Variants in SLF1 observed in about 807,000 individuals in gnomAD.
SLF1 encodes the protein SMC5-SMC6 complex localization factor protein 1.
In SLF1, 105 loss-of-function variants were observed where a neutral mutation model predicts 123.0. The ratio of observed to expected loss-of-function variants is 0.85; its 90% CI spans 0.73 to 1.00. The LOEUF (loss-of-function observed/expected upper bound fraction) is 1.00. Ranked by LOEUF, SLF1 falls within the 50% of genes least tolerant of loss-of-function variation. The pLI is 0.00. For missense variants in SLF1, 1,239 were observed against 1,223.0 expected (o/e 1.01, Z -0.20); for synonymous variants, 434 against 406.6 (o/e 1.07, Z -0.81).
rs1227577370 is a variant in SLF1, at chr5:94,649,523, A to G, written c.664A>G (p.Asn222Asp). 2 of 1,543,576 alleles carry G rather than the reference A, an allele frequency of 1.3e-6. No homozygotes were observed. Among genetic ancestry groups the G allele is most frequent in the African/African-American group, 2.7e-5 (2 of 72,976 alleles). The change falls in exon 6 of 21, where the codon AAC (asparagine) becomes GAC (aspartate). Residue 222 changes from asparagine to aspartate, a missense_variant. By Grantham distance (23) the Asn-to-Asp change is conservative. Coordinates refer to ENST00000265140, the MANE Select transcript of SLF1 (RefSeq NM_032290.4). ...GACTGAACATAGCAATGAAGAAACA[A>G]ACAAAGATTTCAGGAAAGATGCAGG... ...VWTEHSNEETNKDFRKDAGFL... is the reference protein window; with the variant it reads ...VWTEHSNEETDKDFRKDAGFL...
chr5:94,675,290 T>C (rs1256127447), intron 14 of SLF1, among the ~76,000 whole-genome samples: 2 of 152,254 alleles, frequency 1.3e-5, no homozygotes, highest in Non-Finnish European at 2.9e-5. Context: ...GTTAAACATA[T>C]TAGAAAGGAA....
intron 5 of SLF1, among the ~76,000 whole-genome samples, chr5:94,647,363 A>C (rs1295626780): frequency 6.6e-6 from 1 of 152,170 alleles, no homozygotes; most frequent in Admixed American, 6.5e-5. Context: ...CAGTTCATTC[A>C]AGTTGTGTGA....
rs541428307 is a variant in SLF1 at position 94,684,504 on chromosome 5, C to G, written c.1976-2069C>G. Among the ~76,000 whole-genome samples the G allele has an allele frequency of 1.8e-4, 27 of 152,068 alleles. No homozygotes were observed. In the East Asian group the frequency reaches 5.0e-3, roughly 28 times the overall value. On this transcript the variant is annotated intron_variant, in intron 15 of 20. Transcript: ENST00000265140. ...ACAAGGTCAGGAGATTGAGACCATC[C>G]TGGCTAACACGGTGAAACCCTGTCT...
intron 1 of SLF1, among the ~76,000 whole-genome samples, chr5:94,628,441 A>G (rs1208190090): frequency 6.6e-6 from 1 of 152,238 alleles, no homozygotes; most frequent in Non-Finnish European, 1.5e-5. Flanking sequence ...CCAGCCCAAC[A>G]ATACTTTTTA....
At chr5:94,686,547 A>G (rs1221743474) in intron 15 of SLF1, 26 bp from the exon 16 acceptor site, 14 of 1,610,210 alleles carry the variant, frequency 8.7e-6, no homozygotes, top group Admixed American at 8.3e-5. Flanking sequence ...AGCAATAACT[A>G]TATTAACTTA....
intron 6 of SLF1, among the ~76,000 whole-genome samples, chr5:94,651,183 A>G (rs752417817): frequency 3.3e-5 from 5 of 152,222 alleles, no homozygotes; most frequent in East Asian, 1.9e-4. Flanking sequence ...CTTAGGAGCG[A>G]TAGACCATAC....
rs183752483 is a variant in SLF1 at position 94,632,937 on chromosome 5, C to T, written c.431+2194C>T. Among the ~76,000 whole-genome samples the T allele has an allele frequency of 4.4e-3, 662 of 152,008 alleles. 22 individuals carry two copies. Among genetic ancestry groups the T allele is most frequent in the Admixed American group, 0.041 (623 of 15,276 alleles). On this transcript the variant is annotated intron_variant, in intron 4 of 20. Coordinates refer to ENST00000265140, the MANE Select transcript of SLF1 (RefSeq NM_032290.4). ...ATCTCCTGACCTCGTGATCTGCCCG[C>T]CTCGGCCTCCTAGAGTGGTGGAATT...
chr5:94,647,666 A>G (rs1348448038), intron 5 of SLF1, among the ~76,000 whole-genome samples: 10 of 152,248 alleles, frequency 6.6e-5, no homozygotes, highest in Non-Finnish European at 7.3e-5. Context: ...AGTTGACACT[A>G]AGATACTTAT....
In SLF1 at chr5:94,665,878, T is replaced by G; in HGVS notation, c.1386T>G (p.Phe462Leu). The G allele has an allele frequency of 7.8e-6, 12 of 1,546,302 alleles. No individual in the cohort carries two copies. Among genetic ancestry groups the G allele is most frequent in the Non-Finnish European group, 9.6e-6 (11 of 1,142,318 alleles). The change falls in exon 12 of 21, where the codon TTT becomes TTG. Residue 462 changes from phenylalanine to leucine, a missense_variant. Phe to Leu is a conservative substitution (Grantham distance 22). Coordinates refer to ENST00000265140, the MANE Select transcript of SLF1 (RefSeq NM_032290.4). ...AATAATAGGATAACATAGATACATT[T>G]TCTGGTCGATACTTTCATATATTGT... ...ENVLQDNIDTFSGRYFHILSA... is the reference protein window; with the variant it reads ...ENVLQDNIDTLSGRYFHILSA...
chr5:94,629,131 T>C lies in SLF1; in HGVS notation c.154T>C (p.Cys52Arg), dbSNP rs1027586995. The change falls in exon 3 of 21, where the codon TGT becomes CGT. Residue 52 changes from cysteine to arginine, a missense_variant. By Grantham distance (180) the Cys-to-Arg change is radical. Coordinates refer to ENST00000265140, the MANE Select transcript of SLF1 (RefSeq NM_032290.4). The part of the protein sequence containing the change: ...NCTHLIAERL[C>R]KSEKFLAACA... ...TACACATCTTATAGCTGAACGCCTA[T>C]GTAAGAGTGAAAAATTTTTAGCAGC... 7.1e-6 allele frequency: 11 copies of C among 1,548,850 alleles called. 1 individual carries two copies. The South Asian group carries it at 9.6e-5, about 14-fold the overall frequency.
chr5:94,650,263 TAA>T (rs1184135341), intron 6 of SLF1, among the ~76,000 whole-genome samples: 1 of 152,202 alleles, frequency 6.6e-6, no homozygotes, highest in African/African-American at 2.4e-5. Context: ...TAGTCTAAAC[TAA>T]AAGTTTTATG....
intron 13 of SLF1, 103 bp from the exon 14 acceptor site, chr5:94,670,740 T>G: frequency 1.3e-6 from 1 of 777,430 alleles, no homozygotes; most frequent in South Asian, 2.0e-5. Flanking sequence ...TTTTATGATC[T>G]ATGTTCAAAA....
At chr5:94,630,885 C>A in intron 4 of SLF1, 142 bp downstream of exon 4, 1 of 845,240 alleles carries the variant, frequency 1.2e-6, no homozygotes, top group Non-Finnish European at 1.8e-6. Context: ...AGCCATTATG[C>A]TCGTTTAGAC....
intron 18 of SLF1, among the ~76,000 whole-genome samples, chr5:94,690,264 G>A (rs1428408154): frequency 5.3e-5 from 8 of 152,032 alleles, no homozygotes; most frequent in African/African-American, 1.9e-4. Context: ...TTTTGTTGTT[G>A]TTGTTTATGA....
In SLF1 at chr5:94,618,729, C is replaced by T. The variant is rs1791255668; in HGVS notation, c.-37C>T. On this transcript the variant is annotated 5_prime_UTR_variant, in exon 1 of 21. Transcript: ENST00000265140. ...CAGCGGCAGTCGTCGCCCCTGCCGC[C>T]GCTGCCACCGAAGGAAGCATCCCAG... 6.5e-6 allele frequency: 1 copy of T among 154,830 alleles called. No homozygotes were observed. The highest frequency in any genetic ancestry group is 2.4e-5 in the African/African-American group (1 of 41,530). The allele number at this position is 154,830 out of a possible 1,614,324, so 9.6% of individuals were successfully genotyped here.
At position 94,688,574 on chromosome 5, in the gene SLF1, G is replaced by C. The variant is rs1303071532; in HGVS notation, c.2190G>C (p.Lys730Asn). The C allele has an allele frequency of 3.1e-6, 5 of 1,614,088 alleles. No homozygotes were observed. The highest frequency in any genetic ancestry group is 4.2e-6 in the Non-Finnish European group (5 of 1,179,978). ...GGTCTGGAAAGATTCAGGTGTCAAAGAAAATAGGACAGCGGCCTTGTTTTG... is the reference window on the plus strand; with the variant it reads ...GGTCTGGAAAGATTCAGGTGTCAAACAAAATAGGACAGCGGCCTTGTTTTG... ...VLGSGKIQVS[K>N]KIGQRPCFDS... is the part of the protein sequence containing the mutation. Residue 730 changes from lysine (K) to asparagine (N), a missense_variant, in exon 17 of 21, where the codon AAG becomes AAC. Transcript: ENST00000265140.
At chr5:94,664,090 C>G (rs1003116224) in intron 11 of SLF1, among the ~76,000 whole-genome samples, 182 bp downstream of exon 11, 1 of 151,974 alleles carries the variant, frequency 6.6e-6, no homozygotes, top group African/African-American at 2.4e-5. Context: ...CTAGGTACTA[C>G]TCTTAGTGCT....
chr5:94,652,664 T>C (rs751753982), intron 7 of SLF1, among the ~76,000 whole-genome samples: 1 of 152,230 alleles, frequency 6.6e-6, no homozygotes, highest in Non-Finnish European at 1.5e-5. Context: ...AACATTATCT[T>C]GTATACCTCT....
chr5:94,672,498 C>G (rs562445155), intron 14 of SLF1, among the ~76,000 whole-genome samples: 1 of 151,676 alleles, frequency 6.6e-6, no homozygotes, highest in East Asian at 1.9e-4. Flanking sequence ...CCTCTTTCTC[C>G]CTCTTCCCCC....
Sources: gnomAD v4.1 joint callset for allele counts (sites outside exome capture counted in the v4.1 genomes callset) on GRCh38, gnomAD v4.1.1 for gene constraint, MANE v1.5 for transcripts, NCBI Gene and HGNC (gene_info 2026-07-23, HGNC 2026-07-21) for gene names.